Variants in ARF5 observed in about 807,000 individuals in gnomAD.
ARF5 encodes the protein ADP-ribosylation factor 5.
A neutral mutation model predicts 24.8 loss-of-function variants in ARF5; 10 were observed. That is an observed-to-expected ratio of 0.40 (90% CI 0.25 to 0.68). ARF5 has a LOEUF of 0.68. Ranked by LOEUF, ARF5 falls within the 30% of genes least tolerant of loss-of-function variation. The pLI is 0.36. For missense variants in ARF5, 135 were observed against 239.2 expected (o/e 0.56, Z 2.87); for synonymous variants, 102 against 95.1 (o/e 1.07, Z -0.42).
At chr7:127,590,579 C>A (rs527773460) in intron 4 of ARF5, among the ~76,000 whole-genome samples, 1 of 152,158 alleles carries the variant, frequency 6.6e-6, no homozygotes, top group Non-Finnish European at 1.5e-5. Context: ...GTGATCCACC[C>A]GTCTTGGTCT....
Position 127,589,222 on chromosome 7 carries a change from C to T in ARF5, c.148+59C>T, listed in dbSNP as rs1167130271. On this transcript the variant is annotated intron_variant, in intron 2 of 5. Transcript: ENST00000000233. ...CCGCGGCGGGCCCTCGCGGGGTCTG[C>T]TCCCAGTTCTGCCACTTTTCTGGAG... is the stretch of plus-strand genomic sequence containing the variant. 5.1e-6 allele frequency: 8 copies of T among 1,576,048 alleles called. No individual in the cohort carries two copies. The South Asian group carries it at 8.9e-5, about 17-fold the overall frequency.
At chr7:127,588,945 G>T in intron 1 of ARF5, 138 bp from the exon 2 acceptor site, 2 of 993,878 alleles carry the variant, frequency 2.0e-6, no homozygotes, top group East Asian at 2.5e-5. Flanking sequence ...AGGCCTCAAA[G>T]GTAGATAACG....
chr7:127,589,908 C>G (rs144884844), intron 3 of ARF5, 158 bp from the exon 4 acceptor site: 1 of 691,708 alleles, frequency 1.4e-6, no homozygotes, highest in African/African-American at 1.8e-5. Flanking sequence ...TGCCATGACT[C>G]CTGTAGAGCT....
chr7:127,588,624 G>GC, intron 1 of ARF5, 59 bp downstream of exon 1: 1 of 1,272,832 alleles, frequency 7.9e-7, no homozygotes, highest in Non-Finnish European at 1.0e-6. Flanking sequence ...CAGCCCTTCC[G>GC]CCCCCGCGTC....
rs202056240 is a variant in ARF5, at chr7:127,589,211, C to T, written c.148+48C>T. On this transcript the variant is annotated intron_variant, in intron 2 of 5. Coordinates refer to ENST00000000233, the MANE Select transcript of ARF5 (RefSeq NM_001662.4). ...GAGCGGGAGCGCCGCGGCGGGCCCT[C>T]GCGGGGTCTGCTCCCAGTTCTGCCA... is the stretch of plus-strand genomic sequence containing the variant. The T allele has an allele frequency of 5.6e-3, 8,921 of 1,598,480 alleles. 41 individuals carry two copies. Among genetic ancestry groups the T allele is most frequent in the Non-Finnish European group, 6.8e-3 (7,901 of 1,166,790 alleles).
rs1363732161 is a variant in ARF5 at position 127,591,332 on chromosome 7, C to T, written c.*33C>T. 3 of 1,533,682 alleles carry T rather than the reference C, an allele frequency of 2.0e-6. No individual in the cohort carries two copies. Among genetic ancestry groups the T allele is most frequent in the Admixed American group, 2.2e-5 (1 of 45,342 alleles). On this transcript the variant is annotated 3_prime_UTR_variant, in exon 6 of 6. Transcript: ENST00000000233. ...GGGGCAGGCCCCTGATGCCCGGAAG[C>T]TCCTGCGTGCATCCCCGGGATGACC...
At chr7:127,589,305 A>T (rs1208957909) in intron 2 of ARF5, 142 bp downstream of exon 2, 1 of 1,138,466 alleles carries the variant, frequency 8.8e-7, no homozygotes, top group African/African-American at 1.5e-5. Flanking sequence ...CTCTACGTGG[A>T]TACCGGAGGC....
chr7:127,588,435 C>A lies in ARF5; in HGVS notation c.-64C>A. ...CCTGCTGCTGCTGCGCCCCATCCCC[C>A]CGCGGCCGGCCAGTTCCAGCCCGCA... On this transcript the variant is annotated 5_prime_UTR_variant, in exon 1 of 6. Coordinates refer to ENST00000000233, the MANE Select transcript of ARF5 (RefSeq NM_001662.4). 8.8e-6 allele frequency: 10 copies of A among 1,134,734 alleles called. No homozygotes were observed. Among genetic ancestry groups the A allele is most frequent in the Non-Finnish European group, 1.1e-5 (10 of 873,606 alleles). 70.3% of individuals were successfully genotyped at this position (1,134,734 alleles called of 1,614,324 possible).
intron 2 of ARF5, 136 bp downstream of exon 2, chr7:127,589,299 A>T (rs1794250113): frequency 4.4e-6 from 5 of 1,143,150 alleles, no homozygotes; most frequent in Non-Finnish European, 6.4e-6. Context: ...GGGTATCTCT[A>T]CGTGGATACC....
At position 127,591,547 on chromosome 7, in the gene ARF5, C is replaced by T; in HGVS notation, c.*248C>T. ...GGAAGGGGCTTCCTGGCCAAGGCCCCCTCTTCCAGAGGAGGAGCAGGGATC... is the reference window on the plus strand; with the variant it reads ...GGAAGGGGCTTCCTGGCCAAGGCCCTCTCTTCCAGAGGAGGAGCAGGGATC... On this transcript the variant is annotated 3_prime_UTR_variant, in exon 6 of 6. Transcript: ENST00000000233. The T allele has an allele frequency of 2.1e-6, 1 of 475,144 alleles. No individual in the cohort carries two copies. The allele number at this position is 475,144 out of a possible 1,614,324, so 29.4% of individuals were successfully genotyped here.
In ARF5 at chr7:127,589,025, T is replaced by A. The variant is rs928611370; in HGVS notation, c.68-58T>A. The A allele has an allele frequency of 3.8e-6, 6 of 1,591,096 alleles. No individual in the cohort carries two copies. In the African/African-American group the frequency reaches 6.7e-5, roughly 18 times the overall value. On this transcript the variant is annotated intron_variant, in intron 1 of 5. Coordinates refer to ENST00000000233, the MANE Select transcript of ARF5 (RefSeq NM_001662.4). Reference sequence around the variant, plus strand: ...AGCTGTTGTGGCCTCTCCCTTTCCCTGGTCTCTAGGGGGCTCCCTCGCTCC... The same window carrying A: ...AGCTGTTGTGGCCTCTCCCTTTCCCAGGTCTCTAGGGGGCTCCCTCGCTCC...
chr7:127,588,956 A>G, intron 1 of ARF5, 127 bp from the exon 2 acceptor site: 2 of 1,099,436 alleles, frequency 1.8e-6, no homozygotes, highest in Admixed American at 2.0e-5. Flanking sequence ...GTAGATAACG[A>G]CGCGCACCTG....
In ARF5 at chr7:127,589,628, G is replaced by C. The variant is rs112290402; in HGVS notation, c.258+34G>C. ...TTGGGAGGGGACTTTCTAACCCCAC[G>C]GGAAAAGGTGTTAGGGCTGGGAGAA... On this transcript the variant is annotated intron_variant, in intron 3 of 5. Transcript: ENST00000000233. 2.0e-6 allele frequency: 3 copies of C among 1,523,480 alleles called. No individual in the cohort carries two copies. The Admixed American group carries it at 5.4e-5, about 27-fold the overall frequency. 94.4% of individuals were successfully genotyped at this position (1,523,480 alleles called of 1,614,324 possible).
chr7:127,588,660 C>A, intron 1 of ARF5, 95 bp downstream of exon 1: 1 of 1,187,966 alleles, frequency 8.4e-7, no homozygotes, highest in Non-Finnish European at 1.1e-6. Context: ...ACCTGGGTCT[C>A]TGGCCCCGAG....
At position 127,591,063 on chromosome 7, in the gene ARF5, G is replaced by C. The variant is rs1587536937; in HGVS notation, c.431G>C (p.Gly144Ala). The change falls in exon 5 of 6, where the codon GGG becomes GCG. Residue 144 changes from glycine to alanine, a missense_variant. Transcript: ENST00000000233. ...MPVSELTDKL[G>A]LQHLRSRTWY... ...GTGAGCGAGCTGACTGACAAGCTGG[G>C]GCTACAGCACTTACGCAGCCGCACG... The C allele has an allele frequency of 1.2e-6, 2 of 1,614,028 alleles. No individual in the cohort carries two copies. Among genetic ancestry groups the C allele is most frequent in the East Asian group, 2.2e-5 (1 of 44,870 alleles).
rs780694657 is a variant in ARF5, at chr7:127,591,326, C to T, written c.*27C>T. On this transcript the variant is annotated 3_prime_UTR_variant, in exon 6 of 6. Transcript: ENST00000000233. ...CAGCCAGGGGCAGGCCCCTGATGCC[C>T]GGAAGCTCCTGCGTGCATCCCCGGG... The T allele has an allele frequency of 1.2e-5, 18 of 1,553,070 alleles. No individual in the cohort carries two copies. The highest frequency in any genetic ancestry group is 1.5e-5 in the Non-Finnish European group (17 of 1,154,972).
In ARF5 at chr7:127,590,104, G is replaced by T; in HGVS notation, c.297G>T (p.Arg99=). 6.2e-7 allele frequency: 1 copy of T among 1,613,998 alleles called. No homozygotes were observed. The highest frequency in any genetic ancestry group is 1.1e-5 in the South Asian group (1 of 91,082). Residue 99 remains arginine, a synonymous_variant, in exon 4 of 6, where the codon CGG becomes CGT. Coordinates refer to ENST00000000233, the MANE Select transcript of ARF5 (RefSeq NM_001662.4). ...IFVVDSNDRE[R]VQESADELQK... ...TGGTGGACAGTAATGACCGGGAGCG[G>T]GTCCAAGAATCTGCTGATGAACTCC...
At chr7:127,589,903 T>G (rs1794258602) in intron 3 of ARF5, 163 bp from the exon 4 acceptor site, 1 of 667,596 alleles carries the variant, frequency 1.5e-6, no homozygotes, top group East Asian at 2.5e-5. Flanking sequence ...GTTTGTGCCA[T>G]GACTCCTGTA....
chr7:127,589,012 C>T lies in ARF5; in HGVS notation c.68-71C>T, dbSNP rs1408862650. ...CCCAGTCACCATCAGCTGTTGTGGC[C>T]TCTCCCTTTCCCTGGTCTCTAGGGG... On this transcript the variant is annotated intron_variant, in intron 1 of 5. Transcript: ENST00000000233. The T allele has an allele frequency of 2.6e-6, 4 of 1,555,692 alleles. No homozygotes were observed. The African/African-American group carries it at 4.1e-5, about 16-fold the overall frequency.
Sources: allele counts gnomAD v4.1 joint callset (sites outside exome capture counted in the v4.1 genomes callset), GRCh38; gene constraint gnomAD v4.1.1; transcripts MANE v1.5; gene names NCBI Gene and HGNC (gene_info 2026-07-23, HGNC 2026-07-21).